MRTFB: variants seen among roughly 807,000 people sequenced by gnomAD.
MRTFB encodes the protein myocardin-related transcription factor B.
In MRTFB, 29 loss-of-function variants were observed where a neutral mutation model predicts 104.2. The ratio of observed to expected loss-of-function variants is 0.28; its 90% CI spans 0.21 to 0.38. MRTFB has a LOEUF of 0.38. MRTFB is among the 10% of genes least tolerant of loss of function. MRTFB has a pLI of 1.00. For missense variants in MRTFB, 1,270 were observed against 1,341.6 expected (o/e 0.95, Z 0.83); for synonymous variants, 535 against 519.5 (o/e 1.03, Z -0.41).
upstream of MRTFB, among the ~76,000 whole-genome samples, chr16:14,066,801 C>T (rs1020076490): frequency 6.6e-6 from 1 of 151,882 alleles, no homozygotes; most frequent in African/African-American, 2.4e-5. Flanking sequence ...GTTGCTAGTA[C>T]TACAGGCACA....
rs1052605185 is a variant in MRTFB at position 14,263,310 on chromosome 16, G to A, written c.*1866G>A. ...CCTACAAGAGTTTACCACACTAGAT[G>A]TTCTGTGAATCCTCGAGTCAGTTCC... On this transcript the variant is annotated 3_prime_UTR_variant, in exon 17 of 17. Coordinates refer to ENST00000571589, the MANE Select transcript of MRTFB (RefSeq NM_001308142.2). 18 of 152,218 alleles carry A rather than the reference G, an allele frequency of 1.2e-4. No homozygotes were observed. The highest frequency in any genetic ancestry group is 4.3e-4 in the African/African-American group (18 of 41,450). The allele number at this position is 152,218 out of a possible 1,614,324, so 9.4% of individuals were successfully genotyped here. A position where few individuals can be genotyped will look rare whatever the true frequency, so the allele number is the denominator to read the frequency against.
the MRTFB span, among the ~76,000 whole-genome samples, chr16:14,023,916 T>C: frequency 1.3e-5 from 2 of 151,988 alleles, no homozygotes; most frequent in Non-Finnish European, 2.9e-5. Context: ...CCAGGCATGA[T>C]GGTGCACACC....
rs2037932812 is a variant in MRTFB, at chr16:14,140,378, T to A, written c.-63-166T>A. Among the ~76,000 whole-genome samples, 3 of 152,308 alleles carry A rather than the reference T, an allele frequency of 2.0e-5. No individual in the cohort carries two copies. In the South Asian group the frequency reaches 6.2e-4, roughly 32 times the overall value. On this transcript the variant is annotated intron_variant, in intron 2 of 16. Coordinates refer to ENST00000571589, the MANE Select transcript of MRTFB (RefSeq NM_001308142.2). ...TGCTTGTTTTTAGGTGGGAAGTATG[T>A]TATTCCTGTTAGATAAAGAACCTGA...
intron 2 of MRTFB, among the ~76,000 whole-genome samples, chr16:14,108,219 A>T (rs2036092248): frequency 6.6e-6 from 1 of 152,216 alleles, no homozygotes; most frequent in East Asian, 1.9e-4. Flanking sequence ...GTTAAAGAAC[A>T]TTCAGGAAAT....
At chr16:14,146,955 A>G (rs922981627) in intron 3 of MRTFB, among the ~76,000 whole-genome samples, 17 of 152,208 alleles carry the variant, frequency 1.1e-4, no homozygotes, top group African/African-American at 4.1e-4. Context: ...GGAAACAAAT[A>G]GATGCTCAAT....
At chr16:14,255,256 C>T (rs1446025811) in intron 15 of MRTFB, among the ~76,000 whole-genome samples, 2 of 152,190 alleles carry the variant, frequency 1.3e-5, no homozygotes, top group African/African-American at 4.8e-5. Flanking sequence ...CAATGGCTGA[C>T]ATGTTCACAA....
rs781387297 is a variant in MRTFB at position 14,234,257 on chromosome 16, G to T, written c.805G>T (p.Ala269Ser). The change falls in exon 9 of 17, where the codon GCA becomes TCA. Residue 269 changes from alanine (A) to serine (S), a missense_variant. Physicochemically the swap from Ala to Ser is moderately conservative, Grantham distance 99. Around this residue, in one of 3 missense-constraint regions of MRTFB, gnomAD observed 1,144 missense variants for 1,131.5 expected, o/e 1.01. Transcript: ENST00000571589. ...CCTCCCCACAAACACTGTGTCCTCAGCAAAGCCTGGCCCAGCACTGGTGAA... is the reference window on the plus strand; with the variant it reads ...CCTCCCCACAAACACTGTGTCCTCATCAAAGCCTGGCCCAGCACTGGTGAA... ...PVLPTNTVSS[A>S]KPGPALVKQS... 1 of 1,614,082 alleles carries T rather than the reference G, an allele frequency of 6.2e-7. No homozygotes were observed. Among genetic ancestry groups the T allele is most frequent in the South Asian group, 1.1e-5 (1 of 91,056 alleles).
the MRTFB span, among the ~76,000 whole-genome samples, chr16:14,037,520 G>A: frequency 1.2e-3 from 177 of 152,256 alleles, no homozygotes; most frequent in African/African-American, 3.8e-3. Context: ...TTACATGGAT[G>A]TGAGACTTGT....
chr16:14,206,200 G>A (rs562372469), intron 3 of MRTFB, among the ~76,000 whole-genome samples: 1 of 152,300 alleles, frequency 6.6e-6, no homozygotes, highest in African/African-American at 2.4e-5. Flanking sequence ...ATGCCTCTCT[G>A]ATCATTAGAA....
At chr16:14,175,501 G>A (rs1486607593) in intron 3 of MRTFB, among the ~76,000 whole-genome samples, 1 of 152,048 alleles carries the variant, frequency 6.6e-6, no homozygotes, top group Non-Finnish European at 1.5e-5. Flanking sequence ...CATTCATTAT[G>A]GGCAGATGAT....
At position 14,167,786 on chromosome 16, in the gene MRTFB, G is replaced by A. The variant is rs552011379; in HGVS notation, c.154+27026G>A. 3.1e-3 allele frequency among the ~76,000 whole-genome samples: 465 copies of A among 152,304 alleles called. 2 individuals are homozygous for A. Among genetic ancestry groups the A allele is most frequent in the Middle Eastern group, 6.8e-3 (2 of 294 alleles). ...GGCTCACTGCAAGCTCCGCCTCCCA[G>A]GTTCATGCCACTCTCCTGCCTCAGC... On this transcript the variant is annotated intron_variant, in intron 3 of 16. Transcript: ENST00000571589.
intron 3 of MRTFB, among the ~76,000 whole-genome samples, chr16:14,154,596 A>T (rs1279491844): frequency 1.3e-5 from 2 of 152,192 alleles, no homozygotes; most frequent in Admixed American, 6.5e-5. Context: ...TGCAGCATGC[A>T]TTTATTATCT....
Position 14,127,925 on chromosome 16 carries a change from ATATATTTTTTTTTTTTTT to A in MRTFB, c.-63-12617_-63-12600del, listed in dbSNP as rs1339329502. Among the ~76,000 whole-genome samples, 33 of 38,436 alleles carry A rather than the reference ATATATTTTTTTTTTTTTT, an allele frequency of 8.6e-4. No individual in the cohort carries two copies. In the African/African-American group the frequency reaches 0.012, roughly 14 times the overall value. The allele number at this position is 38,436 out of a possible 152,430, so 25.2% of individuals were successfully genotyped here. ...AATATATATATATATATATATATAT[ATATATTTTTTTTTTTTTT>A]TTTTTTTTCTTTTTTTCCCCTTTTC... On this transcript the variant is annotated intron_variant, in intron 2 of 16. Transcript: ENST00000571589.
intron 1 of MRTFB, among the ~76,000 whole-genome samples, chr16:14,076,203 T>C (rs951220094): frequency 6.6e-6 from 1 of 152,066 alleles, no homozygotes; most frequent in Admixed American, 6.6e-5. Context: ...CTTCTTTTCT[T>C]TTTTTTGAGA....
intron 12 of MRTFB, chr16:14,247,760 A>G: frequency 2.1e-6 from 1 of 485,462 alleles, no homozygotes; most frequent in Non-Finnish European, 3.7e-6. Context: ...TCATCCATGC[A>G]GACATTTTTT....
the MRTFB span, among the ~76,000 whole-genome samples, chr16:14,006,703 T>C: frequency 6.8e-6 from 1 of 147,984 alleles, no homozygotes; most frequent in Non-Finnish European, 1.5e-5. Flanking sequence ...TGTATCCATA[T>C]GCAACTTTTT....
rs1422346711 is a variant in MRTFB at position 14,177,776 on chromosome 16, T to C, written c.155-32467T>C. ...AGGTCGAGGCTGCAGCGAGTAATAA[T>C]TGCACCACTGTACTCCAGCCTGGAC... On this transcript the variant is annotated intron_variant, in intron 3 of 16. Transcript: ENST00000571589. The surrounding 1 kb of genome is among the most constrained non-coding windows in gnomAD (Gnocchi z 4.7). Among the ~76,000 whole-genome samples the C allele has an allele frequency of 6.6e-6, 1 of 152,052 alleles. No homozygotes were observed. The highest frequency in any genetic ancestry group is 1.5e-5 in the Non-Finnish European group (1 of 68,012).
intron 11 of MRTFB, 88 bp downstream of exon 11, chr16:14,245,748 T>G (rs1293349331): frequency 7.2e-7 from 1 of 1,398,474 alleles, no homozygotes; most frequent in Non-Finnish European, 9.7e-7. Context: ...CATTAAGTAG[T>G]TTTCAGTAGA....
the MRTFB span, among the ~76,000 whole-genome samples, chr16:13,996,754 G>T: frequency 6.6e-6 from 1 of 152,240 alleles, no homozygotes; most frequent in Non-Finnish European, 1.5e-5. Context: ...GGTAGGCAGA[G>T]AATGGATGAA....
Sources: gnomAD v4.1 joint callset for allele counts (sites outside exome capture counted in the v4.1 genomes callset) on GRCh38, gnomAD v4.1.1 for gene constraint, gnomAD v4.1.1 regional missense constraint, Gnocchi (gnomAD v3.1) non-coding constraint, MANE v1.5 for transcripts, NCBI Gene and HGNC (gene_info 2026-07-23, HGNC 2026-07-21) for gene names.